The following AMPH variants were observed in gnomAD, a reference collection of about 807,000 sequenced individuals.
AMPH encodes the protein amphiphysin (Stiff-Mann syndrome with breast cancer 128kD autoantigen).
AMPH carries 49 observed loss-of-function variants against 99.1 expected under a neutral mutation model. The observed-to-expected ratio is 0.49, with a 90% CI of 0.39 to 0.63. The LOEUF (loss-of-function observed/expected upper bound fraction) is 0.63, where lower values mean the gene tolerates loss of function less well. Ranked by LOEUF, AMPH falls within the 20% of genes least tolerant of loss-of-function variation. The pLI, the probability that AMPH is intolerant of heterozygous loss-of-function variation, is 0.00. For synonymous variants in AMPH, 314 were observed against 317.3 expected, an observed-to-expected ratio of 0.99 and a Z score of 0.11; for missense variants, 759 against 863.4, an observed-to-expected ratio of 0.88 and a Z score of 1.52.
chr7:38,476,402 C>T (rs114600624), intron 6 of AMPH, among the ~76,000 whole-genome samples: 1 of 152,234 alleles, frequency 6.6e-6, no homozygotes, highest in African/African-American at 2.4e-5. Flanking sequence ...TTCAGTTAGT[C>T]GGCATCTGTA....
At chr7:38,543,632 T>A (rs1233207324) in intron 1 of AMPH, among the ~76,000 whole-genome samples, 1 of 152,214 alleles carries the variant, frequency 6.6e-6, no homozygotes, top group Non-Finnish European at 1.5e-5. Context: ...TTCATCTTAC[T>A]GATGAGAACA....
intron 11 of AMPH, among the ~76,000 whole-genome samples, chr7:38,457,048 A>C (rs1190385822): frequency 1.3e-5 from 2 of 152,232 alleles, no homozygotes; most frequent in Admixed American, 1.3e-4. Context: ...CCAAAATCAA[A>C]GCCAAAATGT....
chr7:38,500,264 A>G (rs1472099181), intron 3 of AMPH, among the ~76,000 whole-genome samples: 2 of 152,230 alleles, frequency 1.3e-5, no homozygotes, highest in African/African-American at 4.8e-5. Flanking sequence ...ACTCAGTAGT[A>G]GCCTGTTTAA....
At chr7:38,451,175 G>A (rs527838311) in intron 11 of AMPH, among the ~76,000 whole-genome samples, 1 of 151,632 alleles carries the variant, frequency 6.6e-6, no homozygotes, top group Admixed American at 6.6e-5. Context: ...TTACAGATGT[G>A]AGTCACCATG....
At chr7:38,449,641 T>C (rs1786929443) in intron 11 of AMPH, among the ~76,000 whole-genome samples, 1 of 152,248 alleles carries the variant, frequency 6.6e-6, no homozygotes, top group South Asian at 2.1e-4. Flanking sequence ...GGAACAATGA[T>C]GTTGGTAATC....
intron 1 of AMPH, among the ~76,000 whole-genome samples, chr7:38,581,383 T>C (rs73126112): frequency 0.28 from 42,701 of 151,914 alleles, 6,405 homozygotes; most frequent in Non-Finnish European, 0.34. Context: ...ACGGGCACTC[T>C]AGGACGATGA....
intron 2 of AMPH, among the ~76,000 whole-genome samples, chr7:38,530,731 C>A (rs1181995230): frequency 2.6e-5 from 4 of 152,194 alleles, no homozygotes; most frequent in Admixed American, 2.6e-4. Context: ...ATTAACAGAT[C>A]TGTCAGCAGA....
chr7:38,557,038 G>A (rs962923982), intron 1 of AMPH, among the ~76,000 whole-genome samples: 1 of 152,144 alleles, frequency 6.6e-6, no homozygotes, highest in Non-Finnish European at 1.5e-5. Flanking sequence ...ATTCCCAAGA[G>A]CAACAGGGAT....
At chr7:38,523,586 A>C (rs1790054357) in intron 2 of AMPH, among the ~76,000 whole-genome samples, 1 of 152,238 alleles carries the variant, frequency 6.6e-6, no homozygotes, top group Admixed American at 6.5e-5. Context: ...ATTATAACCC[A>C]GTGAATAACA....
chr7:38,621,551 T>C (rs1038853881), intron 1 of AMPH, among the ~76,000 whole-genome samples: 2 of 152,232 alleles, frequency 1.3e-5, no homozygotes, highest in African/African-American at 4.8e-5. Context: ...TAAAAGTGCA[T>C]TTATGCATGG....
At chr7:38,428,864 G>T in intron 14 of AMPH, 1 of 578,458 alleles carries the variant, frequency 1.7e-6, no homozygotes, top group Non-Finnish European at 3.0e-6. Context: ...TTTCATTGGC[G>T]TTTGTACTTT....
At chr7:38,561,757 T>C (rs1249120136) in intron 1 of AMPH, among the ~76,000 whole-genome samples, 1 of 152,132 alleles carries the variant, frequency 6.6e-6, no homozygotes, top group Non-Finnish European at 1.5e-5. Flanking sequence ...GTCCTTGGGA[T>C]GAAGCCCCCA....
At chr7:38,504,601 T>C (rs771789523) in intron 2 of AMPH, among the ~76,000 whole-genome samples, 11 of 152,274 alleles carry the variant, frequency 7.2e-5, no homozygotes, top group African/African-American at 1.2e-4. Flanking sequence ...AAACACCCTA[T>C]AGATACCCTA....
chr7:38,526,306 G>A lies in AMPH; in HGVS notation c.150+8625C>T, dbSNP rs148224640. ...TTTTTCTGAGATAGAGTCTCACTCC[G>A]TCACCCAGGCTGGACTGCAGTGGCA... On this transcript the variant is annotated intron_variant, in intron 2 of 20. Transcript: ENST00000356264. Among the ~76,000 whole-genome samples, 465 of 148,090 alleles carry A rather than the reference G, an allele frequency of 3.1e-3. 3 individuals carry two copies. Among genetic ancestry groups the A allele is most frequent in the African/African-American group, 0.01 (416 of 40,040 alleles).
intron 2 of AMPH, among the ~76,000 whole-genome samples, chr7:38,525,277 T>TATATATATATATATATAG (rs1481528083): frequency 8.7e-4 from 75 of 86,628 alleles, no homozygotes; most frequent in African/African-American, 2.1e-3. Flanking sequence ...TATATATATA[T>TATATATATATATATATAG]AGAGAGAGAG....
At chr7:38,609,476 C>T (rs1411918269) in intron 1 of AMPH, among the ~76,000 whole-genome samples, 1 of 152,146 alleles carries the variant, frequency 6.6e-6, no homozygotes, top group African/African-American at 2.4e-5. Context: ...ACTGTTGGCA[C>T]ACTGTAGAGA....
chr7:38,497,269 T>C (rs1423460645), intron 3 of AMPH, among the ~76,000 whole-genome samples: 1 of 152,110 alleles, frequency 6.6e-6, no homozygotes, highest in Non-Finnish European at 1.5e-5. Context: ...ATTTGGAACA[T>C]CAAAGCAGAA....
intron 2 of AMPH, among the ~76,000 whole-genome samples, chr7:38,524,782 T>C (rs1790098899): frequency 6.6e-6 from 1 of 152,204 alleles, no homozygotes; most frequent in African/African-American, 2.4e-5. Flanking sequence ...TTTATTACAA[T>C]ATGAATTTAA....
At chr7:38,591,863 A>G (rs112552276) in intron 1 of AMPH, among the ~76,000 whole-genome samples, 7 of 152,260 alleles carry the variant, frequency 4.6e-5, no homozygotes, top group African/African-American at 1.7e-4. Flanking sequence ...TTCGCTGCAC[A>G]TATTGCTGAG....
Sources: gnomAD v4.1 joint callset for allele counts (sites outside exome capture counted in the v4.1 genomes callset) on GRCh38, gnomAD v4.1.1 for gene constraint, MANE v1.5 for transcripts, NCBI Gene and HGNC (gene_info 2026-07-23, HGNC 2026-07-21) for gene names.